The following NEGR1 variants were observed in gnomAD, a reference collection of about 807,000 sequenced individuals.
NEGR1 encodes IgLON family member 4.
Under a neutral mutation model 40.9 loss-of-function variants are expected in NEGR1, and 10 were observed. The observed-to-expected ratio is 0.24, with a 90% CI of 0.15 to 0.42. NEGR1 has a LOEUF of 0.42. Ranked by LOEUF, NEGR1 falls within the 10% of genes least tolerant of loss-of-function variation. NEGR1 has a pLI of 1.00. For missense variants in NEGR1, 352 were observed against 438.9 expected, an observed-to-expected ratio of 0.80 and a Z score of 1.77; for synonymous variants, 185 against 166.8, an observed-to-expected ratio of 1.11 and a Z score of -0.84.
At chr1:72,022,937 C>T (rs1646774088) in intron 1 of NEGR1, among the ~76,000 whole-genome samples, 1 of 151,992 alleles carries the variant, frequency 6.6e-6, no homozygotes, top group South Asian at 2.1e-4. Flanking sequence ...AAAGAAACAA[C>T]CAAAGTAGTA....
chr1:71,668,470 G>A (rs5008343), intron 4 of NEGR1, among the ~76,000 whole-genome samples: 47,213 of 151,956 alleles, frequency 0.31, 8,956 homozygotes, highest in East Asian at 0.48. Flanking sequence ...GTTAGGGTTA[G>A]GGCTCATTGG....
At chr1:71,672,293 G>C (rs1188866107) in intron 4 of NEGR1, among the ~76,000 whole-genome samples, 1 of 152,074 alleles carries the variant, frequency 6.6e-6, no homozygotes, top group Non-Finnish European at 1.5e-5. Context: ...AATTAAATTA[G>C]ATAAAATTAT....
chr1:71,578,212 C>T (rs950767273), intron 6 of NEGR1, among the ~76,000 whole-genome samples: 2 of 152,026 alleles, frequency 1.3e-5, no homozygotes, highest in Non-Finnish European at 1.5e-5. Context: ...CATCGTGCTC[C>T]TATTATAACC....
At chr1:71,520,477 T>A (rs146307879) in intron 6 of NEGR1, among the ~76,000 whole-genome samples, 105 of 152,094 alleles carry the variant, frequency 6.9e-4, no homozygotes, top group African/African-American at 2.5e-3. Context: ...AGTGAGGGAG[T>A]CAATACATGG....
rs769521243 is a variant in NEGR1 at position 71,611,053 on chromosome 1, G to C, written c.761C>G (p.Ala254Gly). ...RCEGAGVPPP[A>G]FEWYKGEKKL... ...CTTCTCTCCTTTGTACCATTCAAAG[G>C]CTGGAGGCGGCACACCTGCACCTTC... Residue 254 changes from alanine to glycine, a missense_variant, in exon 5 of 7, where the codon GCC (alanine) becomes GGC (glycine). Physicochemically the swap from Ala to Gly is moderately conservative, Grantham distance 60. This residue lies in a region of NEGR1 where 184 missense variants were observed against 208.7 expected (regional missense o/e 0.88). Coordinates refer to ENST00000357731, the MANE Select transcript of NEGR1 (RefSeq NM_173808.3). 1.2e-6 allele frequency: 2 copies of C among 1,613,914 alleles called. No individual in the cohort carries two copies. Among genetic ancestry groups the C allele is most frequent in the South Asian group, 1.1e-5 (1 of 91,070 alleles).
intron 1 of NEGR1, among the ~76,000 whole-genome samples, chr1:72,083,521 GC>G (rs1648087475): frequency 6.6e-6 from 1 of 151,928 alleles, no homozygotes; most frequent in Non-Finnish European, 1.5e-5. Context: ...ACTATGCCCA[GC>G]TCTCTCTGTT....
At chr1:71,640,997 T>C (rs1005265942) in intron 4 of NEGR1, among the ~76,000 whole-genome samples, 1 of 152,050 alleles carries the variant, frequency 6.6e-6, no homozygotes, top group African/African-American at 2.4e-5. Flanking sequence ...TCCTACAAAA[T>C]TTTTAGAGAA....
In NEGR1 at chr1:72,259,971, TG is replaced by T. The variant is rs150698592; in HGVS notation, c.176+22347del. 3.1e-3 allele frequency among the ~76,000 whole-genome samples: 475 copies of T among 152,240 alleles called. 2 individuals are homozygous for T. Among genetic ancestry groups the T allele is most frequent in the African/African-American group, 0.011 (454 of 41,580 alleles). Reference sequence around the variant, plus strand: ...TTGTGTTTATTTTTCTCATTTAAAGTGATTTCTAAAATAATCAGCTGAAATA... The same window carrying T: ...TTGTGTTTATTTTTCTCATTTAAAGTATTTCTAAAATAATCAGCTGAAATA... On this transcript the variant is annotated intron_variant, in intron 1 of 6. Coordinates refer to ENST00000357731, the MANE Select transcript of NEGR1 (RefSeq NM_173808.3).
chr1:72,175,512 T>C (rs1415565853), intron 1 of NEGR1, among the ~76,000 whole-genome samples: 1 of 152,084 alleles, frequency 6.6e-6, no homozygotes, highest in Non-Finnish European at 1.5e-5. Flanking sequence ...CCCTTCCTCT[T>C]TAAAAAAATC....
chr1:71,865,552 A>G (rs1660087123), intron 2 of NEGR1, among the ~76,000 whole-genome samples: 1 of 152,058 alleles, frequency 6.6e-6, no homozygotes, highest in Non-Finnish European at 1.5e-5. Context: ...GCTGAACAAT[A>G]AGAACACATG....
intron 2 of NEGR1, among the ~76,000 whole-genome samples, chr1:71,790,617 T>A (rs570563369): frequency 2.6e-5 from 4 of 152,134 alleles, no homozygotes; most frequent in African/African-American, 9.6e-5. Flanking sequence ...AGAATTCAGG[T>A]GATTATAATA....
intron 6 of NEGR1, among the ~76,000 whole-genome samples, chr1:71,492,885 GCTTCT>G (rs1646938926): frequency 1.3e-5 from 2 of 152,052 alleles, no homozygotes; most frequent in African/African-American, 4.8e-5. Flanking sequence ...CCCCTATTGG[GCTTCT>G]CCTTTTATTT....
At chr1:71,999,663 A>G (rs1481394395) in intron 1 of NEGR1, among the ~76,000 whole-genome samples, 1 of 45,720 alleles carries the variant, frequency 2.2e-5, no homozygotes, top group Non-Finnish European at 5.5e-5. Context: ...ATATATATAT[A>G]TATATATATA....
chr1:71,739,211 AAAAAAAC>A (rs1557634051), intron 3 of NEGR1, among the ~76,000 whole-genome samples: 1 of 147,226 alleles, frequency 6.8e-6, no homozygotes, highest in African/African-American at 2.5e-5. Flanking sequence ...AAAAAAAAAA[AAAAAAAC>A]AAAAAAAAAA....
intron 1 of NEGR1, among the ~76,000 whole-genome samples, chr1:72,000,077 A>T (rs1646544602): frequency 6.6e-6 from 1 of 151,998 alleles, no homozygotes; most frequent in African/African-American, 2.4e-5. Flanking sequence ...CCAAGGCTCA[A>T]ATTAGACTTC....
intron 2 of NEGR1, among the ~76,000 whole-genome samples, chr1:71,793,356 G>A (rs970306309): frequency 8.3e-5 from 7 of 84,760 alleles, no homozygotes; most frequent in Admixed American, 6.8e-4. Context: ...TGATCTGCCC[G>A]CCTCGGCCTC....
At chr1:71,582,567 C>A (rs1353071123) in intron 6 of NEGR1, among the ~76,000 whole-genome samples, 1 of 152,004 alleles carries the variant, frequency 6.6e-6, no homozygotes, top group Non-Finnish European at 1.5e-5. Context: ...ATGGAAGGAG[C>A]AGATCTCATC....
chr1:71,600,654 C>G (rs1265431354), intron 5 of NEGR1, among the ~76,000 whole-genome samples: 4 of 152,198 alleles, frequency 2.6e-5, no homozygotes, highest in African/African-American at 9.7e-5. Context: ...ATAGCCACAG[C>G]TCCTGTTGTG....
At chr1:71,742,351 CA>C in intron 3 of NEGR1, among the ~76,000 whole-genome samples, 1 of 152,194 alleles carries the variant, frequency 6.6e-6, no homozygotes, top group Middle Eastern at 3.4e-3. Flanking sequence ...TCTATAGAGA[CA>C]GGATAACTGC....
Sources: allele counts gnomAD v4.1 joint callset (sites outside exome capture counted in the v4.1 genomes callset), GRCh38; gene constraint gnomAD v4.1.1; regional missense constraint gnomAD v4.1.1; transcripts MANE v1.5; gene names NCBI Gene and HGNC (gene_info 2026-07-23, HGNC 2026-07-21).